UROS: variants seen among roughly 807,000 people sequenced by gnomAD.
UROS encodes the protein uroporphyrinogen-III synthase.
In UROS, 18 loss-of-function variants were observed where a neutral mutation model predicts 33.0. The ratio of observed to expected loss-of-function variants is 0.55; its 90% CI spans 0.38 to 0.81. The LOEUF is 0.81. UROS is among the 30% of genes least tolerant of loss of function. The probability of loss-of-function intolerance (pLI) is 0.00; values close to 1 mark genes in which losing one functional copy is unlikely to be tolerated. For missense variants in UROS, 293 were observed against 314.9 expected (o/e 0.93, Z 0.53); for synonymous variants, 114 against 121.1 (o/e 0.94, Z 0.38).
chr10:125,816,260 C>T lies in UROS; in HGVS notation c.64G>A (p.Glu22Lys), dbSNP rs1050047805. 12 of 1,613,918 alleles carry T rather than the reference C, an allele frequency of 7.4e-6. No individual in the cohort carries two copies. The Admixed American group carries it at 1.8e-4, about 25-fold the overall frequency. Residue 22 changes from glutamate to lysine, a missense_variant and splice_region_variant, in exon 3 of 10, where the codon GAA (glutamate) becomes AAA (lysine). By Grantham distance (56) the Glu-to-Lys change is moderately conservative. Coordinates refer to ENST00000368797, the MANE Select transcript of UROS (RefSeq NM_000375.3). Reference protein sequence around the residue: ...DDCGQDPYIRELGLYGLEATL... With the variant: ...DDCGQDPYIRKLGLYGLEATL... ...GCTTCAAGTCCATATAATCCTAATT[C>T]CTGAAATGAAAGAATATAGTTCTGG...
intron 6 of UROS, among the ~76,000 whole-genome samples, chr10:125,800,566 T>TC (rs1851762315): frequency 3.0e-5 from 2 of 66,342 alleles, no homozygotes; most frequent in African/African-American, 9.1e-5. Flanking sequence ...TCTTTCTTTC[T>TC]TTTTTTTTTT....
rs1851229291 is a variant in UROS at position 125,794,880 on chromosome 10, C to G, written c.660G>C (p.Lys220Asn). Residue 220 changes from lysine to asparagine, a missense_variant and splice_region_variant, in exon 9 of 10, where the codon AAG (lysine) becomes AAC (asparagine). By Grantham distance (94) the Lys-to-Asn change is moderately conservative. Coordinates refer to ENST00000368797, the MANE Select transcript of UROS (RefSeq NM_000375.3). Reference sequence around the variant, plus strand: ...ACCAAAAGCTCATTGAATAACTTACCTTAATTTGATCGATATTGTCACCAG... The same window carrying G: ...ACCAAAAGCTCATTGAATAACTTACGTTAATTTGATCGATATTGTCACCAG... ...ELSGDNIDQI[K>N]FAAIGPTTAR... is the part of the protein sequence containing the mutation. 3.7e-6 allele frequency: 6 copies of G among 1,610,906 alleles called. No individual in the cohort carries two copies. In the South Asian group the frequency reaches 6.6e-5, roughly 18 times the overall value.
intron 5 of UROS, 35 bp downstream of exon 5, chr10:125,812,178 AT>A: frequency 6.3e-7 from 1 of 1,592,072 alleles, no homozygotes. Context: ...AGGCTAAGCC[AT>A]TTTTTGTTGT....
intron 9 of UROS, 110 bp downstream of exon 9, chr10:125,794,770 C>A: frequency 9.4e-7 from 1 of 1,064,394 alleles, no homozygotes; most frequent in Non-Finnish European, 1.4e-6. Flanking sequence ...TCTAAGGCAC[C>A]TGCTAGGCCA....
chr10:125,788,749 T>C lies in UROS; in HGVS notation c.*119A>G. 1 of 1,455,958 alleles carries C rather than the reference T, an allele frequency of 6.9e-7. No homozygotes were observed. Among genetic ancestry groups the C allele is most frequent in the Middle Eastern group, 2.5e-4 (1 of 3,952 alleles). 90.2% of individuals were successfully genotyped at this position (1,455,958 alleles called of 1,614,324 possible). ...ATCCCCGGTCCTCAGGTGCTTCCACTCAGGCTTGAGGCAGGAGTCTGACGG... is the reference window on the plus strand; with the variant it reads ...ATCCCCGGTCCTCAGGTGCTTCCACCCAGGCTTGAGGCAGGAGTCTGACGG... On this transcript the variant is annotated 3_prime_UTR_variant, in exon 10 of 10. Coordinates refer to ENST00000368797, the MANE Select transcript of UROS (RefSeq NM_000375.3).
chr10:125,800,558 TTTCTTTC>T (rs1328853746), intron 6 of UROS, among the ~76,000 whole-genome samples: 12 of 136,426 alleles, frequency 8.8e-5, no homozygotes, highest in Non-Finnish European at 2.0e-4. Flanking sequence ...CTTTTCTTTC[TTTCTTTC>T]TTTTTTTTTT....
rs538417137 is a variant in UROS at position 125,797,715 on chromosome 10, T to G, written c.475+350A>C. Among the ~76,000 whole-genome samples, 55 of 152,316 alleles carry G rather than the reference T, an allele frequency of 3.6e-4. No individual in the cohort carries two copies. In the South Asian group the frequency reaches 3.9e-3, roughly 11 times the overall value. On this transcript the variant is annotated intron_variant, in intron 7 of 9. Coordinates refer to ENST00000368797, the MANE Select transcript of UROS (RefSeq NM_000375.3). ...GCTATTATAAGATCGGCTACATTTG[T>G]AGACTTTCTTCTACATGTGGAACCA...
chr10:125,818,911 T>C (rs1462190696), intron 1 of UROS, among the ~76,000 whole-genome samples: 2 of 152,230 alleles, frequency 1.3e-5, no homozygotes, highest in Non-Finnish European at 2.9e-5. Flanking sequence ...TAAAGTAAAA[T>C]GGAGCACTTG....
intron 6 of UROS, chr10:125,807,178 G>A: frequency 3.6e-6 from 2 of 555,624 alleles, no homozygotes; most frequent in Non-Finnish European, 6.4e-6. Flanking sequence ...TTTATTTTGT[G>A]TTATGTTCAA....
At position 125,819,718 on chromosome 10, in the gene UROS, C is replaced by T. The variant is rs1853685789; in HGVS notation, c.-26-3193G>A. 10 of 153,436 alleles carry T rather than the reference C, an allele frequency of 6.5e-5. No homozygotes were observed. In the Middle Eastern group the frequency reaches 7.9e-3, roughly 121 times the overall value. The allele number at this position is 153,436 out of a possible 1,614,324, so 9.5% of individuals were successfully genotyped here. ...AGGCTTGAGACTGGTGAGGCTAGGG[C>T]CTAAAAACCGTGCAGTGTCTGGGGT... is the stretch of plus-strand genomic sequence containing the variant. On this transcript the variant is annotated intron_variant, in intron 1 of 9. Coordinates refer to ENST00000368797, the MANE Select transcript of UROS (RefSeq NM_000375.3).
intron 1 of UROS, among the ~76,000 whole-genome samples, chr10:125,820,981 G>C (rs762631004): frequency 6.6e-6 from 1 of 152,128 alleles, no homozygotes; most frequent in Non-Finnish European, 1.5e-5. Flanking sequence ...TCAACACTGG[G>C]AACTAATCTG....
Position 125,798,060 on chromosome 10 carries a change from C to T in UROS, c.475+5G>A. 2 of 1,613,894 alleles carry T rather than the reference C, an allele frequency of 1.2e-6. No homozygotes were observed. Among genetic ancestry groups the T allele is most frequent in the South Asian group, 2.2e-5 (2 of 91,088 alleles). ...TAAGGGATGCAGTCAAAGCATTCTACTCGCCTTTGTCCTTGAGCGCTTTTG... is the reference window on the plus strand; with the variant it reads ...TAAGGGATGCAGTCAAAGCATTCTATTCGCCTTTGTCCTTGAGCGCTTTTG... On this transcript the variant is annotated splice_donor_5th_base_variant and intron_variant, in intron 7 of 9. Transcript: ENST00000368797.
chr10:125,789,477 A>T, intron 9 of UROS: 1 of 702,670 alleles, frequency 1.4e-6, no homozygotes, highest in Non-Finnish European at 1.8e-6. Context: ...CCAGCTCCAC[A>T]GGACAATGAC....
chr10:125,820,870 C>T (rs1241635019), intron 1 of UROS, among the ~76,000 whole-genome samples: 1 of 152,196 alleles, frequency 6.6e-6, no homozygotes, highest in East Asian at 1.9e-4. Context: ...GAACACTGAA[C>T]GAGTGGTAAG....
intron 3 of UROS, among the ~76,000 whole-genome samples, chr10:125,815,578 A>C (rs1853247074): frequency 6.6e-6 from 1 of 152,174 alleles, no homozygotes; most frequent in African/African-American, 2.4e-5. Context: ...CCGAACATTT[A>C]CTCTGAGCCA....
intron 1 of UROS, among the ~76,000 whole-genome samples, chr10:125,819,035 A>G (rs1010943975): frequency 1.3e-5 from 2 of 152,084 alleles, no homozygotes; most frequent in African/African-American, 2.4e-5. Context: ...CCCAGGCTGG[A>G]GTGCAGTGGT....
intron 4 of UROS, 116 bp from the exon 5 acceptor site, chr10:125,812,404 A>G (rs1852898081): frequency 2.3e-6 from 2 of 887,476 alleles, no homozygotes; most frequent in Non-Finnish European, 3.6e-6. Context: ...ATTAGCAACC[A>G]AATGTAAAAA....
At chr10:125,803,057 T>C (rs1851975000) in intron 6 of UROS, 2 of 1,612,864 alleles carry the variant, frequency 1.2e-6, no homozygotes, top group Non-Finnish European at 1.7e-6. Flanking sequence ...ATTTTGGACT[T>C]GGACTAAGTA....
chr10:125,794,437 C>T (rs1851178439), intron 9 of UROS: 1 of 853,366 alleles, frequency 1.2e-6, no homozygotes, highest in Non-Finnish European at 1.4e-6. Context: ...ATAATAAATA[C>T]AGTCCCTAGT....
Sources: allele counts gnomAD v4.1 joint callset (sites outside exome capture counted in the v4.1 genomes callset), GRCh38; gene constraint gnomAD v4.1.1; transcripts MANE v1.5; gene names NCBI Gene and HGNC (gene_info 2026-07-23, HGNC 2026-07-21).